Variants in DPF3 observed in about 807,000 individuals in gnomAD.
The protein encoded by DPF3 is zinc finger protein DPF3.
Under a neutral mutation model 56.8 loss-of-function variants are expected in DPF3, and 18 were observed. That is an observed-to-expected ratio of 0.32 (90% CI 0.22 to 0.47). The LOEUF (loss-of-function observed/expected upper bound fraction) is 0.47, where lower values mean the gene tolerates loss of function less well. Ranked by LOEUF, DPF3 falls within the 20% of genes least tolerant of loss-of-function variation. The pLI is 1.00. For synonymous variants in DPF3, 188 were observed against 180.2 expected (o/e 1.04, Z -0.35); for missense variants, 403 against 488.8 (o/e 0.82, Z 1.65).
At chr14:72,683,111 G>A (rs1294218815) in intron 7 of DPF3, among the ~76,000 whole-genome samples, 2 of 152,144 alleles carry the variant, frequency 1.3e-5, no homozygotes, top group Non-Finnish European at 2.9e-5. Context: ...TGGATCACTT[G>A]AGGTCGGGAG....
In DPF3 at chr14:72,731,954, A is replaced by C. The variant is rs1310689657; in HGVS notation, c.302-20T>G. ...CCACTTCTGAAAAACAAAGATAGAA[A>C]GGCAGGTCAGGCCACTAGAAGCAGG... On this transcript the variant is annotated intron_variant, in intron 3 of 10. Coordinates refer to ENST00000556509, the MANE Select transcript of DPF3 (RefSeq NM_001280542.3). 6.4e-7 allele frequency: 1 copy of C among 1,562,620 alleles called. No homozygotes were observed. Among genetic ancestry groups the C allele is most frequent in the East Asian group, 2.4e-5 (1 of 41,688 alleles).
intron 1 of DPF3, among the ~76,000 whole-genome samples, chr14:72,795,091 A>AT (rs992772621): frequency 3.3e-5 from 5 of 152,122 alleles, no homozygotes; most frequent in African/African-American, 1.2e-4. Flanking sequence ...GTAAGGTAAC[A>AT]TATTCATAGG....
At chr14:72,696,591 C>G (rs781172929) in intron 6 of DPF3, among the ~76,000 whole-genome samples, 1 of 152,168 alleles carries the variant, frequency 6.6e-6, no homozygotes, top group East Asian at 1.9e-4. Context: ...AGGAGATGGG[C>G]GAAGAGGCAA....
intron 8 of DPF3, chr14:72,670,377 C>A: frequency 1.0e-6 from 1 of 986,066 alleles, no homozygotes; most frequent in African/African-American, 1.7e-5. Flanking sequence ...AGGAGGAGCC[C>A]AGGAGGCGGC....
intron 1 of DPF3, among the ~76,000 whole-genome samples, chr14:72,792,384 G>A (rs898055708): frequency 6.6e-6 from 1 of 152,002 alleles, no homozygotes; most frequent in East Asian, 1.9e-4. Context: ...AAAGGCTTTC[G>A]CTTTTTATTT....
intron 4 of DPF3, among the ~76,000 whole-genome samples, chr14:72,724,459 C>A (rs893629846): frequency 2.0e-5 from 3 of 152,078 alleles, no homozygotes; most frequent in Non-Finnish European, 4.4e-5. Context: ...TTCATCGGCT[C>A]AGGGTTCCCC....
chr14:72,769,796 G>A (rs532543391), intron 2 of DPF3, among the ~76,000 whole-genome samples: 7 of 151,476 alleles, frequency 4.6e-5, no homozygotes, highest in African/African-American at 1.7e-4. Flanking sequence ...CATCAAATAT[G>A]TTTAAATCTG....
At chr14:72,634,556 A>G (rs1490501204) in intron 8 of DPF3, among the ~76,000 whole-genome samples, 1 of 152,172 alleles carries the variant, frequency 6.6e-6, no homozygotes, top group Non-Finnish European at 1.5e-5. Flanking sequence ...AAAGAGGCAC[A>G]TGGCTATAAG....
Position 72,693,354 on chromosome 14 carries a change from C to T in DPF3, c.605-141G>A, listed in dbSNP as rs1887781166. ...TTAAAACTGTCTCCCATCCCAACATCCCTTTCCCCCACCCAACAGAACCAA... is the reference window on the plus strand; with the variant it reads ...TTAAAACTGTCTCCCATCCCAACATTCCTTTCCCCCACCCAACAGAACCAA... On this transcript the variant is annotated intron_variant, in intron 6 of 10. Coordinates refer to ENST00000556509, the MANE Select transcript of DPF3 (RefSeq NM_001280542.3). 7.1e-6 allele frequency: 7 copies of T among 981,860 alleles called. No individual in the cohort carries two copies. The South Asian group carries it at 8.7e-5, about 12-fold the overall frequency. The allele number at this position is 981,860 out of a possible 1,614,324, so 60.8% of individuals were successfully genotyped here. A position where few individuals can be genotyped will look rare whatever the true frequency, so the allele number is the denominator to read the frequency against.
At chr14:72,799,797 C>T (rs1376926973) in intron 1 of DPF3, among the ~76,000 whole-genome samples, 1 of 152,088 alleles carries the variant, frequency 6.6e-6, no homozygotes, top group Non-Finnish European at 1.5e-5. Context: ...TATGGAAAGG[C>T]AGATAACAAT....
chr14:72,887,156 C>CACAA (rs1886580062), intron 1 of DPF3, among the ~76,000 whole-genome samples: 1 of 81,062 alleles, frequency 1.2e-5, no homozygotes, highest in Non-Finnish European at 3.2e-5. Flanking sequence ...CCTCCAAACA[C>CACAA]ACACACACAC....
At chr14:72,756,864 GAAAGA>G (rs1567222924) in intron 2 of DPF3, among the ~76,000 whole-genome samples, 1,075 of 107,080 alleles carry the variant, frequency 0.01, 17 homozygotes, top group Middle Eastern at 0.018. Flanking sequence ...AAGAAAGAAA[GAAAGA>G]AAGGAAGGAA....
rs143708578 is a variant in DPF3, at chr14:72,694,049, G to A, written c.605-836C>T. Among the ~76,000 whole-genome samples the A allele has an allele frequency of 2.3e-3, 354 of 152,288 alleles. 1 individual carries two copies. Among genetic ancestry groups the A allele is most frequent in the Non-Finnish European group, 3.7e-3 (250 of 68,012 alleles). ...TGGGGCAGTTTGAGCCAAGGGCAGC[G>A]AGCAATCGAAATGTGCCTTCTTGGA... is the stretch of plus-strand genomic sequence containing the variant. On this transcript the variant is annotated intron_variant, in intron 6 of 10. Transcript: ENST00000556509.
At chr14:72,892,757 C>A (rs1344884111) in intron 1 of DPF3, 1 of 952,138 alleles carries the variant, frequency 1.1e-6, no homozygotes, top group Non-Finnish European at 1.3e-6. Flanking sequence ...TCGCCTGCGG[C>A]TTCGTCCGGG....
chr14:72,667,856 A>G (rs892851298), intron 8 of DPF3, among the ~76,000 whole-genome samples: 1 of 152,320 alleles, frequency 6.6e-6, no homozygotes, highest in South Asian at 2.1e-4. Flanking sequence ...GCATGCATAT[A>G]TATTCCTTAA....
At chr14:72,860,555 C>A (rs537992525) in intron 1 of DPF3, among the ~76,000 whole-genome samples, 77 of 151,446 alleles carry the variant, frequency 5.1e-4, no homozygotes, top group African/African-American at 1.7e-3. Context: ...CAGCTTAATT[C>A]TTTTTCTTTT....
At chr14:72,646,196 T>A (rs1885718548) in intron 8 of DPF3, among the ~76,000 whole-genome samples, 1 of 152,198 alleles carries the variant, frequency 6.6e-6, no homozygotes, top group Admixed American at 6.5e-5. Flanking sequence ...AAAAGAATAA[T>A]AAACTACTAC....
chr14:72,804,157 C>CA (rs1380340879), intron 1 of DPF3, among the ~76,000 whole-genome samples: 1 of 150,010 alleles, frequency 6.7e-6, no homozygotes, highest in Non-Finnish European at 1.5e-5. Context: ...AAAAATAACT[C>CA]AAGATCCAGC....
intron 9 of DPF3, among the ~76,000 whole-genome samples, chr14:72,624,197 T>C (rs1367934250): frequency 6.6e-6 from 1 of 152,184 alleles, no homozygotes; most frequent in Admixed American, 6.5e-5. Flanking sequence ...CAGAGAATTG[T>C]ACTCACTGTG....
Sources: gnomAD v4.1 joint callset for allele counts (sites outside exome capture counted in the v4.1 genomes callset) on GRCh38, gnomAD v4.1.1 for gene constraint, MANE v1.5 for transcripts, NCBI Gene and HGNC (gene_info 2026-07-23, HGNC 2026-07-21) for gene names.